Variants in TRIM2 observed in about 807,000 individuals in gnomAD.
TRIM2 encodes the protein tripartite motif containing 2.
A neutral mutation model predicts 75.2 loss-of-function variants in TRIM2; 20 were observed. That is an observed-to-expected ratio of 0.27 (90% CI 0.19 to 0.39). TRIM2 has a LOEUF of 0.39. Ranked by LOEUF, TRIM2 falls within the 10% of genes least tolerant of loss-of-function variation. The pLI is 1.00. For missense variants in TRIM2, 660 were observed against 990.8 expected (o/e 0.67, Z 4.48); for synonymous variants, 373 against 388.3 (o/e 0.96, Z 0.46).
intron 1 of TRIM2, among the ~76,000 whole-genome samples, chr4:153,217,246 G>A (rs140318852): frequency 3.3e-4 from 50 of 152,246 alleles, no homozygotes; most frequent in African/African-American, 1.2e-3. Context: ...AGCAGATGAG[G>A]TATCTGTACA....
chr4:153,311,647 C>T (rs1024534897), intron 6 of TRIM2, among the ~76,000 whole-genome samples: 3 of 150,948 alleles, frequency 2.0e-5, no homozygotes, highest in African/African-American at 7.3e-5. Context: ...TATATAGTCA[C>T]TTCTTTGGTT....
chr4:153,298,871 C>A (rs1185190681), intron 6 of TRIM2, among the ~76,000 whole-genome samples: 7 of 152,018 alleles, frequency 4.6e-5, no homozygotes, highest in Non-Finnish European at 8.8e-5. Flanking sequence ...GTAGCAGGGA[C>A]CACAGCTGCA....
chr4:153,158,127 A>G (rs548208096), intron 1 of TRIM2, among the ~76,000 whole-genome samples: 66 of 152,256 alleles, frequency 4.3e-4, no homozygotes, highest in African/African-American at 1.5e-3. Flanking sequence ...TGACTACTTA[A>G]CGGAAGATCT....
Position 153,339,042 on chromosome 4 carries a change from G to A in TRIM2, c.*4076G>A. On this transcript the variant is annotated 3_prime_UTR_variant, in exon 12 of 12. Coordinates refer to ENST00000338700, the MANE Select transcript of TRIM2 (RefSeq NM_015271.5). ...ATATGTTTTATGTATAGAACACTAAGTCTTGCACTCTCTGACATTGATACT... is the reference window on the plus strand; with the variant it reads ...ATATGTTTTATGTATAGAACACTAAATCTTGCACTCTCTGACATTGATACT... The A allele has an allele frequency of 4.1e-6, 4 of 984,930 alleles. No individual in the cohort carries two copies. Among genetic ancestry groups the A allele is most frequent in the Non-Finnish European group, 4.8e-6 (4 of 829,806 alleles). The allele number at this position is 984,930 out of a possible 1,614,324, so 61.0% of individuals were successfully genotyped here.
At position 153,335,353 on chromosome 4, in the gene TRIM2, C is replaced by G; in HGVS notation, c.*387C>G. ...AGAACTTCCAAAAGCAAAACAAAAA[C>G]AAAATCTATTGTAGTTATATACTTC... On this transcript the variant is annotated 3_prime_UTR_variant, in exon 12 of 12. Coordinates refer to ENST00000338700, the MANE Select transcript of TRIM2 (RefSeq NM_015271.5). 1 of 991,248 alleles carries G rather than the reference C, an allele frequency of 1.0e-6. No individual in the cohort carries two copies. Among genetic ancestry groups the G allele is most frequent in the Non-Finnish European group, 1.2e-6 (1 of 833,994 alleles). The allele number at this position is 991,248 out of a possible 1,614,324, so 61.4% of individuals were successfully genotyped here.
Position 153,156,473 on chromosome 4 carries a change from C to G in TRIM2, c.-49+3203C>G, listed in dbSNP as rs530537389. Among the ~76,000 whole-genome samples the G allele has an allele frequency of 3.3e-5, 5 of 152,258 alleles. No individual in the cohort carries two copies. The South Asian group carries it at 8.3e-4, about 25-fold the overall frequency. On this transcript the variant is annotated intron_variant, in intron 1 of 11. Transcript: ENST00000437508. ...TCTTAACCACGCCTGCCACCTCCCCCACATCCGCCACTCACAGCTCCCTTG... is the reference window on the plus strand; with the variant it reads ...TCTTAACCACGCCTGCCACCTCCCCGACATCCGCCACTCACAGCTCCCTTG...
chr4:153,282,956 T>A (rs1759697944), intron 3 of TRIM2, among the ~76,000 whole-genome samples: 1 of 59,946 alleles, frequency 1.7e-5, no homozygotes, highest in African/African-American at 1.9e-4. Flanking sequence ...CCTAGCTAAT[T>A]TTTTTTTTAA....
chr4:153,276,278 A>C, intron 3 of TRIM2, 148 bp downstream of exon 3: 1 of 656,418 alleles, frequency 1.5e-6, no homozygotes, highest in Non-Finnish European at 2.7e-6. Flanking sequence ...CCCTCAGACT[A>C]CCTGCTCACT....
At chr4:153,331,243 A>C (rs542713419) in intron 11 of TRIM2, among the ~76,000 whole-genome samples, 35 of 152,308 alleles carry the variant, frequency 2.3e-4, no homozygotes, top group Middle Eastern at 3.4e-3. Context: ...GGATTCCTTA[A>C]GTCTGGGAGT....
intron 1 of TRIM2, among the ~76,000 whole-genome samples, chr4:153,219,248 C>G (rs1191729583): frequency 1.3e-5 from 2 of 152,120 alleles, no homozygotes; most frequent in Non-Finnish European, 2.9e-5. Flanking sequence ...ATGCAAGAAG[C>G]AGACCCAACT....
In TRIM2 at chr4:153,295,490, G is replaced by A; in HGVS notation, c.964G>A (p.Glu322Lys). ...ADQDFPLHPR[E>K]NDQLDFIVET... is the part of the protein sequence containing the mutation. ...CCAGGACTTCCCCTTGCACCCGCGGGAGAACGACCAGCTGGATTTCATCGT... is the reference window on the plus strand; with the variant it reads ...CCAGGACTTCCCCTTGCACCCGCGGAAGAACGACCAGCTGGATTTCATCGT... The change falls in exon 6 of 12, where the codon GAG (glutamate) becomes AAG (lysine). Residue 322 changes from glutamate (E) to lysine (K), a missense_variant. Glu to Lys is a moderately conservative substitution (Grantham distance 56). Transcript: ENST00000338700. The surrounding 1 kb of genome is among the most constrained non-coding windows in gnomAD (Gnocchi z 7.2). The A allele has an allele frequency of 6.2e-7, 1 of 1,614,202 alleles. No individual in the cohort carries two copies. The highest frequency in any genetic ancestry group is 8.5e-7 in the Non-Finnish European group (1 of 1,180,036).
At chr4:153,315,430 CAG>C in intron 6 of TRIM2, 53 bp from the exon 7 acceptor site, 1 of 1,362,094 alleles carries the variant, frequency 7.3e-7, no homozygotes. Context: ...CTTGCTGAAA[CAG>C]AGAAATCTAA....
chr4:153,293,095 G>T lies in TRIM2; in HGVS notation c.567G>T (p.Lys189Asn). 1 of 1,612,606 alleles carries T rather than the reference G, an allele frequency of 6.2e-7. No homozygotes were observed. The highest frequency in any genetic ancestry group is 8.5e-7 in the Non-Finnish European group (1 of 1,178,814). ...TCAAGGATGTGGTGGAACAGCACAA[G>T]GCCTCGCTCCAGGTCCAGCTGGATG... Reference protein sequence around the residue: ...VPLKDVVEQHKASLQVQLDAV... With the variant: ...VPLKDVVEQHNASLQVQLDAV... Residue 189 changes from lysine to asparagine, a missense_variant, in exon 4 of 12, where the codon AAG (lysine) becomes AAT (asparagine). By Grantham distance (94) the Lys-to-Asn change is moderately conservative (BLOSUM62 0). Around this residue, in one of 2 missense-constraint regions of TRIM2, gnomAD observed 620 missense variants for 891.0 expected, o/e 0.70. Coordinates refer to ENST00000338700, the MANE Select transcript of TRIM2 (RefSeq NM_015271.5).
At chr4:153,179,493 C>T (rs1338505079) in intron 1 of TRIM2, among the ~76,000 whole-genome samples, 1 of 152,126 alleles carries the variant, frequency 6.6e-6, no homozygotes, top group African/African-American at 2.4e-5. Flanking sequence ...CACCTACCTG[C>T]TTCACTCCTG....
At chr4:153,283,861 C>CTTTCTTTTTTTTTT (rs1759943929) in intron 3 of TRIM2, among the ~76,000 whole-genome samples, 2 of 53,256 alleles carry the variant, frequency 3.8e-5, no homozygotes, top group African/African-American at 1.7e-4. Context: ...TGGCCTTGAT[C>CTTTCTTTTTTTTTT]TTTTTTTTTT....
intron 1 of TRIM2, among the ~76,000 whole-genome samples, chr4:153,240,109 C>T (rs187161068): frequency 6.6e-6 from 1 of 152,252 alleles, no homozygotes; most frequent in East Asian, 1.9e-4. Flanking sequence ...GCTGGGATTA[C>T]AGGCATAAGC....
rs1453577960 is a variant in TRIM2, at chr4:153,336,278, A to T, written c.*1312A>T. ...CCTAGTGGAGCAAGCCCTAAAGCAG[A>T]TTTAATTTTTGCCATTTTCCAAGAA... On this transcript the variant is annotated 3_prime_UTR_variant, in exon 12 of 12. Transcript: ENST00000338700. 2 of 984,736 alleles carry T rather than the reference A, an allele frequency of 2.0e-6. No homozygotes were observed. Among genetic ancestry groups the T allele is most frequent in the African/African-American group, 3.5e-5 (2 of 56,936 alleles). 61.0% of individuals were successfully genotyped at this position (984,736 alleles called of 1,614,324 possible).
At chr4:153,221,894 G>A (rs1253870552) in intron 1 of TRIM2, among the ~76,000 whole-genome samples, 14 of 111,118 alleles carry the variant, frequency 1.3e-4, no homozygotes, top group South Asian at 3.9e-4. Context: ...AAGGAAGGAA[G>A]GAGGGAGGAA....
intron 1 of TRIM2, among the ~76,000 whole-genome samples, chr4:153,162,880 G>T (rs991070670): frequency 6.6e-6 from 1 of 152,174 alleles, no homozygotes; most frequent in African/African-American, 2.4e-5. Flanking sequence ...GTGTCCAAGT[G>T]ATCAGTTACC....
Sources: gnomAD v4.1 joint callset for allele counts (sites outside exome capture counted in the v4.1 genomes callset) on GRCh38, gnomAD v4.1.1 for gene constraint, gnomAD v4.1.1 regional missense constraint, Gnocchi (gnomAD v3.1) non-coding constraint, MANE v1.5 for transcripts, NCBI Gene and HGNC (gene_info 2026-07-23, HGNC 2026-07-21) for gene names.